NCEH1: variants seen among roughly 807,000 people sequenced by gnomAD.
NCEH1 encodes 2-acetyl MAGE hydrolase.
In NCEH1, 9 loss-of-function variants were observed where a neutral mutation model predicts 25.4. The observed-to-expected ratio is 0.35, with a 90% CI of 0.21 to 0.62. The LOEUF (loss-of-function observed/expected upper bound fraction) is 0.62, where lower values mean the gene tolerates loss of function less well. Ranked by LOEUF, NCEH1 falls within the 20% of genes least tolerant of loss-of-function variation. The pLI, the probability that NCEH1 is intolerant of heterozygous loss-of-function variation, is 0.72. For synonymous variants in NCEH1, 200 were observed against 199.8 expected, an observed-to-expected ratio of 1.00 and a Z score of -0.01; for missense variants, 412 against 501.1, an observed-to-expected ratio of 0.82 and a Z score of 1.70.
intron 1 of NCEH1, among the ~76,000 whole-genome samples, chr3:172,665,153 G>A (rs1718147901): frequency 6.6e-6 from 1 of 152,184 alleles, no homozygotes; most frequent in Non-Finnish European, 1.5e-5. Context: ...TGGTGTGGAT[G>A]TCTTTTTTGT....
intron 1 of NCEH1, among the ~76,000 whole-genome samples, chr3:172,691,953 AAAAAAAAAAAAAAAAGAAAG>A (rs1393868431): frequency 2.0e-5 from 2 of 101,878 alleles, no homozygotes; most frequent in African/African-American, 4.6e-5. Flanking sequence ...TCTCAAAAAA[AAAAAAAAAAAAAAAAGAAAG>A]AAAGAAAGAA....
chr3:172,686,879 T>C (rs890044041), intron 1 of NCEH1, among the ~76,000 whole-genome samples: 3 of 152,240 alleles, frequency 2.0e-5, no homozygotes, highest in African/African-American at 7.2e-5. Flanking sequence ...AATCAAGGTC[T>C]CTTCCCCATT....
intron 1 of NCEH1, among the ~76,000 whole-genome samples, chr3:172,686,085 TC>T (rs960447110): frequency 3.3e-5 from 5 of 151,294 alleles, no homozygotes; most frequent in African/African-American, 1.2e-4. Context: ...CACTGACAAG[TC>T]CCAGCAGGCG....
chr3:172,673,035 C>A (rs1021928515), intron 1 of NCEH1, among the ~76,000 whole-genome samples: 1 of 152,168 alleles, frequency 6.6e-6, no homozygotes, highest in African/African-American at 2.4e-5. Context: ...CCAGGTGATA[C>A]TGGACATTGA....
At chr3:172,678,949 G>T (rs1315711345) in intron 1 of NCEH1, among the ~76,000 whole-genome samples, 1 of 152,196 alleles carries the variant, frequency 6.6e-6, no homozygotes, top group African/African-American at 2.4e-5. Context: ...ACACTTGCCA[G>T]AAGTTTTGCC....
chr3:172,697,362 A>T (rs1422460551), intron 1 of NCEH1, among the ~76,000 whole-genome samples: 4 of 152,092 alleles, frequency 2.6e-5, no homozygotes, highest in African/African-American at 9.7e-5. Flanking sequence ...CCTATCAGAA[A>T]CCACTAACTA....
intron 1 of NCEH1, among the ~76,000 whole-genome samples, chr3:172,684,075 T>C (rs1712556444): frequency 6.6e-6 from 1 of 152,214 alleles, no homozygotes; most frequent in Non-Finnish European, 1.5e-5. Context: ...GGAGTGACTA[T>C]TTACATGGTC....
At chr3:172,709,236 C>A (rs1380158961) in intron 1 of NCEH1, among the ~76,000 whole-genome samples, 1 of 152,226 alleles carries the variant, frequency 6.6e-6, no homozygotes, top group Non-Finnish European at 1.5e-5. Flanking sequence ...ATGGAGAAGA[C>A]TTCTTTGGTG....
At chr3:172,642,042 T>C (rs1033537004) in intron 3 of NCEH1, among the ~76,000 whole-genome samples, 2 of 152,210 alleles carry the variant, frequency 1.3e-5, no homozygotes, top group East Asian at 1.9e-4. Context: ...CATTCTTACA[T>C]TGTTATGTCA....
At chr3:172,644,397 T>C (rs1717018173) in intron 3 of NCEH1, among the ~76,000 whole-genome samples, 1 of 152,068 alleles carries the variant, frequency 6.6e-6, no homozygotes, top group Non-Finnish European at 1.5e-5. Flanking sequence ...AACAGGAGGA[T>C]AGCTGACAGA....
chr3:172,706,602 G>A (rs943001619), intron 1 of NCEH1, among the ~76,000 whole-genome samples: 8 of 150,124 alleles, frequency 5.3e-5, no homozygotes, highest in East Asian at 2.0e-4. Context: ...TGGTTCAAGC[G>A]ATTCTTCTGC....
At chr3:172,664,755 C>T (rs1453630914) in intron 1 of NCEH1, among the ~76,000 whole-genome samples, 1 of 152,202 alleles carries the variant, frequency 6.6e-6, no homozygotes, top group Non-Finnish European at 1.5e-5. Flanking sequence ...GAATCGGCTA[C>T]TGAAGCTTGT....
At chr3:172,687,771 G>A (rs570230227) in intron 1 of NCEH1, among the ~76,000 whole-genome samples, 5 of 152,262 alleles carry the variant, frequency 3.3e-5, no homozygotes, top group South Asian at 4.1e-4. Context: ...TGTAATTTTC[G>A]GTGTTGGCAA....
intron 1 of NCEH1, among the ~76,000 whole-genome samples, chr3:172,691,083 C>T (rs1009985893): frequency 6.6e-6 from 1 of 152,194 alleles, no homozygotes; most frequent in African/African-American, 2.4e-5. Flanking sequence ...CTTCTTTGTA[C>T]ACACTTTGCT....
chr3:172,707,178 AT>A (rs1436835642), intron 1 of NCEH1, among the ~76,000 whole-genome samples: 16 of 152,134 alleles, frequency 1.1e-4, no homozygotes, highest in Admixed American at 8.5e-4. Context: ...AAAAAAAAAA[AT>A]CTTTGTCTGC....
At chr3:172,642,929 CTTTGTTTG>C (rs144880215) in intron 3 of NCEH1, among the ~76,000 whole-genome samples, 11,693 of 151,906 alleles carry the variant, frequency 0.077, 463 homozygotes, top group Middle Eastern at 0.12. Flanking sequence ...TTTGTTTTTG[CTTTGTTTG>C]TTTGTTTGTT....
Position 172,633,681 on chromosome 3 carries a change from AG to A in NCEH1, c.1020del (p.Tyr341ThrfsTer3). On this transcript the variant is annotated frameshift_variant, in exon 5 of 5. Coordinates refer to ENST00000475381, the MANE Select transcript of NCEH1 (RefSeq NM_020792.6). LOFTEE classifies it high-confidence loss of function. ...ACATCATGCTCACACGTCAGAATGTAGGTCTTTGGGAGGAGCTGCAGCACTG... is the reference window on the plus strand; with the variant it reads ...ACATCATGCTCACACGTCAGAATGTAGTCTTTGGGAGGAGCTGCAGCACTG... ...DQAVLQLLPK[T>X]YILTCEHDVL... is the part of the protein sequence containing the mutation. 6.2e-7 allele frequency: 1 copy of A among 1,614,178 alleles called. No homozygotes were observed. The highest frequency in any genetic ancestry group is 8.5e-7 in the Non-Finnish European group (1 of 1,180,016).
At chr3:172,681,585 C>A (rs574060615) in intron 1 of NCEH1, among the ~76,000 whole-genome samples, 144 of 152,016 alleles carry the variant, frequency 9.5e-4, no homozygotes, top group African/African-American at 3.0e-3. Context: ...CATGGAACAC[C>A]CAAACCAAGA....
intron 3 of NCEH1, among the ~76,000 whole-genome samples, chr3:172,642,603 CAAAAAAAAAA>C (rs66551744): frequency 6.0e-5 from 5 of 83,912 alleles, no homozygotes; most frequent in African/African-American, 2.5e-4. Context: ...GCTATTTCTA[CAAAAAAAAAA>C]AAAAAAAAAA....
Sources: gnomAD v4.1 joint callset for allele counts (sites outside exome capture counted in the v4.1 genomes callset) on GRCh38, gnomAD v4.1.1 for gene constraint, MANE v1.5 for transcripts, NCBI Gene and HGNC (gene_info 2026-07-23, HGNC 2026-07-21) for gene names.